The following TCTN2 variants were observed in gnomAD, a reference collection of about 807,000 sequenced individuals.
TCTN2 encodes tectonic family member 2.
In TCTN2, 66 loss-of-function variants were observed where a neutral mutation model predicts 83.4. The ratio of observed to expected loss-of-function variants is 0.79; its 90% CI spans 0.65 to 0.97. The LOEUF (loss-of-function observed/expected upper bound fraction) is 0.97, where lower values mean the gene tolerates loss of function less well. Ranked by LOEUF, TCTN2 falls within the 50% of genes least tolerant of loss-of-function variation. The probability of loss-of-function intolerance (pLI) is 0.00; values close to 1 mark genes in which losing one functional copy is unlikely to be tolerated. For missense variants in TCTN2, 794 were observed against 858.1 expected (o/e 0.93, Z 0.93); for synonymous variants, 301 against 326.7 (o/e 0.92, Z 0.85).
intron 8 of TCTN2, among the ~76,000 whole-genome samples, chr12:123,692,201 A>G (rs11831536): frequency 0.36 from 54,566 of 151,700 alleles, 10,290 homozygotes; most frequent in African/African-American, 0.41. Flanking sequence ...ATGAGCCACC[A>G]CGCCCGGCTA....
At chr12:123,694,509 G>T (rs1379345164) in intron 9 of TCTN2, among the ~76,000 whole-genome samples, 1 of 152,212 alleles carries the variant, frequency 6.6e-6, no homozygotes, top group Admixed American at 6.5e-5. Flanking sequence ...CTGCCCTGGC[G>T]GAACTGACCC....
At chr12:123,690,454 C>A in intron 7 of TCTN2, 79 bp from the exon 8 acceptor site, 1 of 1,597,908 alleles carries the variant, frequency 6.3e-7, no homozygotes, top group Non-Finnish European at 8.6e-7. Context: ...GCAGAAAGAC[C>A]AGTTTTAAGG....
At chr12:123,706,006 T>G (rs1956224422) in intron 15 of TCTN2, among the ~76,000 whole-genome samples, 2 of 152,142 alleles carry the variant, frequency 1.3e-5, no homozygotes, top group South Asian at 4.1e-4. Flanking sequence ...TCTGCCTGCC[T>G]CAGCCTCCCA....
intron 10 of TCTN2, 43 bp from the exon 11 acceptor site, chr12:123,695,177 A>G (rs771509231): frequency 1.4e-6 from 2 of 1,428,196 alleles, no homozygotes; most frequent in South Asian, 2.3e-5. Context: ...TTCTTTTCCT[A>G]GTGAAATGGT....
chr12:123,673,048 CA>C (rs1046068438), intron 3 of TCTN2, among the ~76,000 whole-genome samples: 18 of 144,930 alleles, frequency 1.2e-4, no homozygotes, highest in Middle Eastern at 3.5e-3. Context: ...GACTCCGTCT[CA>C]AAAAAAAAAG....
chr12:123,683,083 C>T (rs1025431935), intron 5 of TCTN2, among the ~76,000 whole-genome samples: 1 of 151,138 alleles, frequency 6.6e-6, no homozygotes, highest in Non-Finnish European at 1.5e-5. Context: ...ATTAGCTGGA[C>T]GTGGTGGCCG....
intron 5 of TCTN2, among the ~76,000 whole-genome samples, chr12:123,684,959 A>G (rs190049258): frequency 6.6e-6 from 1 of 151,554 alleles, no homozygotes; most frequent in East Asian, 2.0e-4. Flanking sequence ...CTGAGGCAGG[A>G]GAATCGCTTG....
intron 5 of TCTN2, among the ~76,000 whole-genome samples, chr12:123,681,692 C>T (rs183991924): frequency 5.9e-5 from 9 of 152,240 alleles, no homozygotes; most frequent in African/African-American, 2.2e-4. Context: ...ATGAATAGTG[C>T]CGCTGTGAAC....
At chr12:123,684,844 G>C (rs1955944336) in intron 5 of TCTN2, among the ~76,000 whole-genome samples, 1 of 152,064 alleles carries the variant, frequency 6.6e-6, no homozygotes, top group South Asian at 2.1e-4. Context: ...GAGGTCAGGA[G>C]ATAGAGAACA....
intron 4 of TCTN2, among the ~76,000 whole-genome samples, chr12:123,676,493 G>A (rs1352339688): frequency 1.3e-5 from 2 of 149,716 alleles, no homozygotes; most frequent in South Asian, 2.1e-4. Flanking sequence ...GCGTGAACTC[G>A]GGAGGTGGAG....
At chr12:123,696,584 A>C in intron 12 of TCTN2, 89 bp downstream of exon 12, 1 of 1,228,304 alleles carries the variant, frequency 8.1e-7, no homozygotes, top group Non-Finnish European at 1.2e-6. Context: ...GCAATCAATT[A>C]TTTTAAAGCC....
At chr12:123,689,961 C>G (rs966905360) in intron 7 of TCTN2, among the ~76,000 whole-genome samples, 1 of 151,988 alleles carries the variant, frequency 6.6e-6, no homozygotes, top group Non-Finnish European at 1.5e-5. Context: ...CCATTATACC[C>G]GGTTAATTTT....
chr12:123,704,418 A>C (rs1956205694), intron 14 of TCTN2, 114 bp from the exon 15 acceptor site: 4 of 1,097,212 alleles, frequency 3.6e-6, no homozygotes, highest in Non-Finnish European at 5.3e-6. Context: ...AAGAGACTAA[A>C]GCCTCATTAA....
chr12:123,695,124 T>TTAATGTCGTTAAAA, intron 10 of TCTN2, 96 bp from the exon 11 acceptor site: 1 of 1,412,648 alleles, frequency 7.1e-7, no homozygotes, highest in Non-Finnish European at 1.0e-6. Context: ...GTACACTTTG[T>TTAATGTCGTTAAAA]ATGACAAAAT....
At position 123,684,151 on chromosome 12, in the gene TCTN2, A is replaced by G. The variant is rs146705728; in HGVS notation, c.565-2685A>G. Among the ~76,000 whole-genome samples the G allele has an allele frequency of 3.6e-3, 549 of 152,296 alleles. 3 individuals are homozygous for G. The highest frequency in any genetic ancestry group is 0.012 in the African/African-American group (507 of 41,554). ...TAGAAAAGCTGCAGATATTCAAAGT[A>G]TCCTTGAATATGTGTTTGGAGATAA... On this transcript the variant is annotated intron_variant, in intron 5 of 17. Coordinates refer to ENST00000303372, the MANE Select transcript of TCTN2 (RefSeq NM_024809.5).
At position 123,680,006 on chromosome 12, in the gene TCTN2, G is replaced by T. The variant is rs373571364; in HGVS notation, c.564+717G>T. On this transcript the variant is annotated intron_variant, in intron 5 of 17. Coordinates refer to ENST00000303372, the MANE Select transcript of TCTN2 (RefSeq NM_024809.5). ...CGCCCGCCTCGGCCTCCCAAAGTGC[G>T]GGGATTACAGGCGTGAGCCACCGCG... 2.3e-3 allele frequency among the ~76,000 whole-genome samples: 348 copies of T among 149,882 alleles called. 2 individuals carry two copies. Among genetic ancestry groups the T allele is most frequent in the African/African-American group, 7.9e-3 (323 of 40,930 alleles).
rs147746146 is a variant in TCTN2, at chr12:123,671,316, G to T, written c.76G>T (p.Asp26Tyr). The T allele has an allele frequency of 1.2e-4, 193 of 1,613,768 alleles. No individual in the cohort carries two copies. The highest frequency in any genetic ancestry group is 3.3e-4 in the Middle Eastern group (2 of 6,060). ...GGGCATCCTGAGGCTTCTGTGGGGG[G>T]ACCTGGGTGTGTACGGCGCGGCAGT... ...LQGILRLLWG[D>Y]LAFIPPFIRM... The change falls in exon 1 of 18, where the codon GAC becomes TAC. Residue 26 changes from aspartate to tyrosine, a missense_variant. Physicochemically the swap from Asp to Tyr is radical, Grantham distance 160. Transcript: ENST00000303372.
At chr12:123,691,309 C>A (rs928246991) in intron 8 of TCTN2, among the ~76,000 whole-genome samples, 4 of 152,228 alleles carry the variant, frequency 2.6e-5, no homozygotes, top group South Asian at 2.1e-4. Flanking sequence ...CTCCCTACCC[C>A]TCTTCCCTCA....
chr12:123,701,600 G>A (rs560847944), intron 14 of TCTN2, among the ~76,000 whole-genome samples: 79 of 152,034 alleles, frequency 5.2e-4, no homozygotes, highest in Non-Finnish European at 1.0e-3. Flanking sequence ...AAAATTAGCC[G>A]GGCGTGGTGG....
Sources: allele counts gnomAD v4.1 joint callset (sites outside exome capture counted in the v4.1 genomes callset), GRCh38; gene constraint gnomAD v4.1.1; transcripts MANE v1.5; gene names NCBI Gene and HGNC (gene_info 2026-07-23, HGNC 2026-07-21).